AFF1: variants seen among roughly 807,000 people sequenced by gnomAD.
The protein encoded by AFF1 is ALF transcription elongation factor 1, also known as AF4/FMR2 family member 1.
A neutral mutation model predicts 121.7 loss-of-function variants in AFF1; 48 were observed. The observed-to-expected ratio is 0.39, with a 90% CI of 0.31 to 0.50. The LOEUF is 0.50. Ranked by LOEUF, AFF1 falls within the 20% of genes least tolerant of loss-of-function variation. AFF1 has a pLI of 0.76. For synonymous variants in AFF1, 613 were observed against 563.0 expected (o/e 1.09, Z -1.26); for missense variants, 1,523 against 1,511.7 (o/e 1.01, Z -0.12).
At chr4:87,005,551 A>G (rs764316873) in intron 2 of AFF1, among the ~76,000 whole-genome samples, 6 of 151,670 alleles carry the variant, frequency 4.0e-5, no homozygotes, top group Non-Finnish European at 8.8e-5. Flanking sequence ...AGTCAGAATA[A>G]CTACAGTTTG....
chr4:86,971,269 A>C (rs1351492727), intron 2 of AFF1, among the ~76,000 whole-genome samples: 1 of 151,308 alleles, frequency 6.6e-6, no homozygotes. Flanking sequence ...AGAGGAAGCT[A>C]TCTGGGAATT....
intron 2 of AFF1, among the ~76,000 whole-genome samples, chr4:86,978,647 C>A (rs558388172): frequency 1.7e-4 from 26 of 152,116 alleles, no homozygotes; most frequent in Non-Finnish European, 1.8e-4. Flanking sequence ...CTGCTTGTTT[C>A]TTGGATTTTA....
chr4:86,985,486 G>A lies in AFF1; in HGVS notation c.38+36915G>A, dbSNP rs576663805. On this transcript the variant is annotated intron_variant, in intron 2 of 20. Coordinates refer to ENST00000395146, the MANE Select transcript of AFF1 (RefSeq NM_001166693.3). ...AGATCATTGCACTCCAGCCCGGGCCGACAACAGCGAGACACTGTCTCAAAA... is the reference window on the plus strand; with the variant it reads ...AGATCATTGCACTCCAGCCCGGGCCAACAACAGCGAGACACTGTCTCAAAA... Among the ~76,000 whole-genome samples, 206 of 143,870 alleles carry A rather than the reference G, an allele frequency of 1.4e-3. 1 individual carries two copies. The highest frequency in any genetic ancestry group is 2.3e-3 in the Non-Finnish European group (153 of 66,520). The allele number at this position is 143,870 out of a possible 152,430, so 94.4% of individuals were successfully genotyped here. A position where few individuals can be genotyped will look rare whatever the true frequency, so the allele number is the denominator to read the frequency against.
chr4:87,086,553 G>A (rs904667899), intron 5 of AFF1, among the ~76,000 whole-genome samples: 8 of 152,144 alleles, frequency 5.3e-5, no homozygotes, highest in African/African-American at 1.7e-4. Flanking sequence ...ACAGAAGGAC[G>A]TCCAGGACTG....
intron 2 of AFF1, among the ~76,000 whole-genome samples, chr4:86,959,081 A>G (rs571304633): frequency 6.6e-6 from 1 of 152,342 alleles, no homozygotes; most frequent in South Asian, 2.1e-4. Context: ...TCTACAATGC[A>G]CAGAACAGCC....
chr4:87,065,818 G>T (rs776567281), intron 4 of AFF1, among the ~76,000 whole-genome samples: 1 of 151,792 alleles, frequency 6.6e-6, no homozygotes, highest in Non-Finnish European at 1.5e-5. Context: ...CCCTTTCTCT[G>T]TGCAACCTCT....
intron 11 of AFF1, among the ~76,000 whole-genome samples, chr4:87,108,542 GA>G (rs1427176634): frequency 6.6e-6 from 1 of 152,244 alleles, no homozygotes; most frequent in South Asian, 2.1e-4. Flanking sequence ...CTCCCCTGTT[GA>G]AAATGATAGG....
At chr4:87,021,978 G>A (rs1026912703) in intron 2 of AFF1, among the ~76,000 whole-genome samples, 4 of 152,132 alleles carry the variant, frequency 2.6e-5, no homozygotes, top group Admixed American at 6.5e-5. Context: ...CGAGGCCAGC[G>A]GATCACCTGA....
At chr4:86,985,332 A>G (rs1724159505) in intron 2 of AFF1, among the ~76,000 whole-genome samples, 1 of 150,274 alleles carries the variant, frequency 6.7e-6, no homozygotes, top group Non-Finnish European at 1.5e-5. Context: ...CCAACATGGC[A>G]AAACCCTGTC....
chr4:86,969,604 G>A (rs1722781505), intron 2 of AFF1, among the ~76,000 whole-genome samples: 1 of 148,498 alleles, frequency 6.7e-6, no homozygotes, highest in Non-Finnish European at 1.5e-5. Flanking sequence ...AGATAGGCCC[G>A]GCGTGGTGGC....
intron 2 of AFF1, among the ~76,000 whole-genome samples, chr4:86,975,742 G>A (rs891578748): frequency 6.6e-6 from 1 of 152,128 alleles, no homozygotes; most frequent in African/African-American, 2.4e-5. Flanking sequence ...AAAATACAGT[G>A]ACAAATAAAA....
At chr4:87,078,659 G>A (rs921896777) in intron 4 of AFF1, among the ~76,000 whole-genome samples, 15 of 152,134 alleles carry the variant, frequency 9.9e-5, no homozygotes, top group Non-Finnish European at 1.9e-4. Flanking sequence ...GCTCCAGATC[G>A]GGGCAAGAAA....
At chr4:86,985,191 A>ATATATATATATATG (rs1724129484) in intron 2 of AFF1, among the ~76,000 whole-genome samples, 2 of 106,026 alleles carry the variant, frequency 1.9e-5, no homozygotes, top group Middle Eastern at 3.6e-3. Flanking sequence ...CTATATATAT[A>ATATATATATATATG]TATATATATA....
Position 87,057,217 on chromosome 4 carries a change from G to A in AFF1, c.1059+9623G>A, listed in dbSNP as rs535775550. Reference sequence around the variant, plus strand: ...AAATCTAGTGGGAGTGGCAGGGCCTGTGGCTCCAGGAGGTTGGGCATGGGC... The same window carrying A: ...AAATCTAGTGGGAGTGGCAGGGCCTATGGCTCCAGGAGGTTGGGCATGGGC... On this transcript the variant is annotated intron_variant, in intron 4 of 20. Coordinates refer to ENST00000395146, the MANE Select transcript of AFF1 (RefSeq NM_001166693.3). 1.1e-3 allele frequency among the ~76,000 whole-genome samples: 172 copies of A among 152,324 alleles called. 1 individual carries two copies. The South Asian group carries it at 0.019, about 17-fold the overall frequency.
intron 2 of AFF1, among the ~76,000 whole-genome samples, chr4:86,985,294 T>G (rs1724155346): frequency 6.7e-6 from 1 of 148,682 alleles, no homozygotes; most frequent in Non-Finnish European, 1.5e-5. Context: ...GTGGATCACC[T>G]GAGGTCAGGA....
intron 1 of AFF1, among the ~76,000 whole-genome samples, chr4:86,944,020 T>C (rs1005989849): frequency 4.6e-5 from 7 of 151,600 alleles, no homozygotes; most frequent in African/African-American, 1.5e-4. Flanking sequence ...GGCACACATC[T>C]GTAGTCCCAG....
At chr4:87,062,158 A>G (rs1247815896) in intron 4 of AFF1, among the ~76,000 whole-genome samples, 1 of 152,194 alleles carries the variant, frequency 6.6e-6, no homozygotes, top group Non-Finnish European at 1.5e-5. Flanking sequence ...TGCTGCCATA[A>G]CAAAAGACCT....
chr4:87,101,033 C>T (rs549255407), intron 8 of AFF1, among the ~76,000 whole-genome samples: 3 of 152,316 alleles, frequency 2.0e-5, no homozygotes, highest in Admixed American at 1.3e-4. Flanking sequence ...TCCCCTCTAT[C>T]TTGTTACCCC....
intron 5 of AFF1, among the ~76,000 whole-genome samples, chr4:87,085,953 G>A (rs1723688299): frequency 6.6e-6 from 1 of 151,970 alleles, no homozygotes; most frequent in African/African-American, 2.4e-5. Context: ...TGGCCAGGCT[G>A]GTCTCAAATG....
Sources: gnomAD v4.1 joint callset for allele counts (sites outside exome capture counted in the v4.1 genomes callset) on GRCh38, gnomAD v4.1.1 for gene constraint, MANE v1.5 for transcripts, NCBI Gene and HGNC (gene_info 2026-07-23, HGNC 2026-07-21) for gene names.